Variants in ZNF131 observed in about 807,000 individuals in gnomAD.
The protein encoded by ZNF131 is zinc finger protein 131.
In ZNF131, 7 loss-of-function variants were observed where a neutral mutation model predicts 60.0. That is an observed-to-expected ratio of 0.12 (90% CI 0.07 to 0.22). ZNF131 has a LOEUF of 0.22. ZNF131 is among the 10% of genes least tolerant of loss of function. ZNF131 has a pLI of 1.00. For missense variants in ZNF131, 493 were observed against 740.9 expected (o/e 0.67, Z 3.88); for synonymous variants, 257 against 253.2 (o/e 1.01, Z -0.14).
intron 5 of ZNF131, among the ~76,000 whole-genome samples, chr5:43,166,997 T>G (rs952330029): frequency 2.0e-5 from 3 of 152,180 alleles, no homozygotes; most frequent in Non-Finnish European, 4.4e-5. Flanking sequence ...GAGGCTGTTG[T>G]AAGGTTATTA....
Position 43,158,847 on chromosome 5 carries a change from C to CTT in ZNF131, c.372-2391_372-2390dup, listed in dbSNP as rs35631723. Among the ~76,000 whole-genome samples the CTT allele has an allele frequency of 1.3e-3, 187 of 146,296 alleles. 2 individuals carry two copies. Among genetic ancestry groups the CTT allele is most frequent in the East Asian group, 8.0e-3 (40 of 5,014 alleles). On this transcript the variant is annotated intron_variant, in intron 4 of 6. Transcript: ENST00000682664. ...CCTCATCCTTCCTTTTCCAGAAAGCCTTTTTTTTTTTTCCCAGCATCTTAT... is the reference window on the plus strand; with the variant it reads ...CCTCATCCTTCCTTTTCCAGAAAGCCTTTTTTTTTTTTTTCCCAGCATCTTAT...
intron 5 of ZNF131, among the ~76,000 whole-genome samples, chr5:43,164,189 A>G (rs1178571786): frequency 6.6e-6 from 1 of 152,230 alleles, no homozygotes; most frequent in Non-Finnish European, 1.5e-5. Flanking sequence ...ATTCAACTAA[A>G]TATGGATCAA....
rs190896683 is a variant in ZNF131 at position 43,140,302 on chromosome 5, A to G, written c.371+993A>G. On this transcript the variant is annotated intron_variant, in intron 4 of 6. Transcript: ENST00000682664. ...CTTACTTGATGAATAATGGCAGTGTAACATAGTTACTAAGAATAAGAGCTC... is the reference window on the plus strand; with the variant it reads ...CTTACTTGATGAATAATGGCAGTGTGACATAGTTACTAAGAATAAGAGCTC... 4.1e-3 allele frequency among the ~76,000 whole-genome samples: 629 copies of G among 152,354 alleles called. 2 individuals are homozygous for G. The highest frequency in any genetic ancestry group is 5.4e-3 in the Non-Finnish European group (369 of 68,034).
At chr5:43,147,356 T>C (rs1318816428) in intron 4 of ZNF131, among the ~76,000 whole-genome samples, 1 of 152,136 alleles carries the variant, frequency 6.6e-6, no homozygotes, top group Non-Finnish European at 1.5e-5. Flanking sequence ...GGTATGTGTA[T>C]GTTTAACTTT....
Position 43,174,867 on chromosome 5 carries a change from A to G in ZNF131, c.1606A>G (p.Thr536Ala). 2 of 1,614,210 alleles carry G rather than the reference A, an allele frequency of 1.2e-6. No homozygotes were observed. The highest frequency in any genetic ancestry group is 1.7e-6 in the Non-Finnish European group (2 of 1,180,050). Residue 536 changes from threonine to alanine, a missense_variant, in exon 7 of 7, where the codon ACT (threonine) becomes GCT (alanine). Physicochemically the swap from Thr to Ala is moderately conservative, Grantham distance 58. Coordinates refer to ENST00000682664, the MANE Select transcript of ZNF131 (RefSeq NM_001330707.2). ...GGGCCGAATTCAGACTGAAGAAGGTACTGAAGTACATGTAGAGGAGCTGCA... is the reference window on the plus strand; with the variant it reads ...GGGCCGAATTCAGACTGAAGAAGGTGCTGAAGTACATGTAGAGGAGCTGCA... Reference protein sequence around the residue: ...EVGRIQTEEGTEVHVEELHVE... With the variant: ...EVGRIQTEEGAEVHVEELHVE...
In ZNF131 at chr5:43,161,172, C is replaced by T. The variant is rs555694303; in HGVS notation, c.372-77C>T. 1.2e-5 allele frequency: 16 copies of T among 1,300,096 alleles called. No individual in the cohort carries two copies. The African/African-American group carries it at 2.2e-4, about 18-fold the overall frequency. 80.5% of individuals were successfully genotyped at this position (1,300,096 alleles called of 1,614,324 possible). A position where few individuals can be genotyped will look rare whatever the true frequency, so the allele number is the denominator to read the frequency against. On this transcript the variant is annotated intron_variant, in intron 4 of 6. Transcript: ENST00000682664. ...TAACTGTTTATATAAATTTTATTGC[C>T]ACTTTATCAGTTTCTTCAAAAAAGC...
intron 4 of ZNF131, among the ~76,000 whole-genome samples, chr5:43,155,747 G>A (rs768596120): frequency 8.5e-5 from 13 of 152,176 alleles, no homozygotes; most frequent in Non-Finnish European, 1.6e-4. Context: ...GAGGAGGATA[G>A]GAGAAGAAAC....
At chr5:43,146,680 G>A (rs1170755786) in intron 4 of ZNF131, among the ~76,000 whole-genome samples, 4 of 152,000 alleles carry the variant, frequency 2.6e-5, no homozygotes, top group African/African-American at 9.7e-5. Context: ...GCCGAGGCAG[G>A]CAATCACCTG....
At chr5:43,164,664 A>G (rs1750134479) in intron 5 of ZNF131, among the ~76,000 whole-genome samples, 1 of 152,200 alleles carries the variant, frequency 6.6e-6, no homozygotes, top group Non-Finnish European at 1.5e-5. Flanking sequence ...AACACGGACC[A>G]CTTTGGACAT....
chr5:43,156,985 C>T (rs1179622314), intron 4 of ZNF131, among the ~76,000 whole-genome samples: 1 of 152,140 alleles, frequency 6.6e-6, no homozygotes, highest in African/African-American at 2.4e-5. Flanking sequence ...CAGCATTGAC[C>T]ACAAGAATTC....
At chr5:43,160,371 G>A (rs568116949) in intron 4 of ZNF131, among the ~76,000 whole-genome samples, 3 of 151,572 alleles carry the variant, frequency 2.0e-5, no homozygotes, top group South Asian at 2.1e-4. Flanking sequence ...GTGATGGCAC[G>A]CATCTATAGT....
At chr5:43,153,571 G>A (rs2111790450) in intron 4 of ZNF131, among the ~76,000 whole-genome samples, 1 of 152,116 alleles carries the variant, frequency 6.6e-6, no homozygotes, top group Non-Finnish European at 1.5e-5. Context: ...GAACCTGGGA[G>A]GTGGAGTTTG....
At chr5:43,133,990 C>CA (rs1561396519) in intron 3 of ZNF131, among the ~76,000 whole-genome samples, 1 of 151,866 alleles carries the variant, frequency 6.6e-6, no homozygotes, top group South Asian at 2.1e-4. Flanking sequence ...CATAGCCTTC[C>CA]AAAAAAACTG....
intron 4 of ZNF131, among the ~76,000 whole-genome samples, chr5:43,144,868 A>G (rs1365669007): frequency 1.3e-5 from 2 of 151,588 alleles, no homozygotes; most frequent in East Asian, 3.9e-4. Context: ...CTGCTTGTTC[A>G]TGGCAAAATT....
At chr5:43,140,125 G>A (rs142448081) in intron 4 of ZNF131, among the ~76,000 whole-genome samples, 1 of 14,316 alleles carries the variant, frequency 7.0e-5, no homozygotes, top group East Asian at 6.3e-3. Context: ...TGAGGTGGGA[G>A]GGGAGGATCA....
chr5:43,156,490 A>G (rs1055385993), intron 4 of ZNF131, among the ~76,000 whole-genome samples: 2 of 152,354 alleles, frequency 1.3e-5, no homozygotes, highest in South Asian at 4.1e-4. Flanking sequence ...GACTGTGCCA[A>G]TAAGTAAGGC....
chr5:43,152,954 G>A (rs1220345216), intron 4 of ZNF131, among the ~76,000 whole-genome samples: 3 of 152,044 alleles, frequency 2.0e-5, no homozygotes, highest in African/African-American at 7.2e-5. Context: ...TTCTGGAGTC[G>A]TAAGATGTTT....
intron 3 of ZNF131, among the ~76,000 whole-genome samples, chr5:43,131,437 T>G (rs1472508174): frequency 6.6e-6 from 1 of 152,158 alleles, no homozygotes; most frequent in South Asian, 2.1e-4. Context: ...CCTCCCAAAG[T>G]GCTGGGATTA....
intron 5 of ZNF131, chr5:43,167,875 A>G (rs1750551107): frequency 2.3e-6 from 1 of 427,488 alleles, no homozygotes; most frequent in Admixed American, 2.6e-5. Flanking sequence ...TCTGTTGCTT[A>G]TAACAATACC....
Sources: allele counts gnomAD v4.1 joint callset (sites outside exome capture counted in the v4.1 genomes callset), GRCh38; gene constraint gnomAD v4.1.1; transcripts MANE v1.5; gene names NCBI Gene and HGNC (gene_info 2026-07-23, HGNC 2026-07-21).